JAKMIP3: variants seen among roughly 807,000 people sequenced by gnomAD.
JAKMIP3 encodes Janus kinase and microtubule interacting protein 3.
A neutral mutation model predicts 118.5 loss-of-function variants in JAKMIP3; 58 were observed. That is an observed-to-expected ratio of 0.49 (90% CI 0.40 to 0.61). JAKMIP3 has a LOEUF of 0.61. Among genes scored for constraint, JAKMIP3 ranks in the 20% least tolerant of loss-of-function variants. The pLI, the probability that JAKMIP3 is intolerant of heterozygous loss-of-function variation, is 0.00. For synonymous variants in JAKMIP3, 486 were observed against 451.2 expected (o/e 1.08, Z -0.98); for missense variants, 950 against 1,109.0 (o/e 0.86, Z 2.04).
intron 1 of JAKMIP3, among the ~76,000 whole-genome samples, chr10:132,104,408 G>T (rs1170289440): frequency 6.6e-6 from 1 of 152,208 alleles, no homozygotes; most frequent in Non-Finnish European, 1.5e-5. Flanking sequence ...AGAGGGAAAA[G>T]AATTCACCCG....
At chr10:132,071,896 T>TTC (rs1564866359) in intron 1 of JAKMIP3, among the ~76,000 whole-genome samples, 2 of 68,854 alleles carry the variant, frequency 2.9e-5, no homozygotes, top group African/African-American at 1.5e-4. Flanking sequence ...TTCTTTCCTT[T>TTC]CTTTCTTCCC....
chr10:132,082,034 C>T (rs1180202991), intron 1 of JAKMIP3, among the ~76,000 whole-genome samples: 1 of 151,754 alleles, frequency 6.6e-6, no homozygotes, highest in Non-Finnish European at 1.5e-5. Flanking sequence ...TTACCCTCCT[C>T]ATTGTGAGTC....
intron 9 of JAKMIP3, among the ~76,000 whole-genome samples, chr10:132,138,507 C>T (rs998008492): frequency 3.3e-5 from 5 of 152,238 alleles, no homozygotes; most frequent in Non-Finnish European, 5.9e-5. Context: ...AGCGTGCTGG[C>T]GTGTGCTTAG....
chr10:132,114,239 AG>A (rs2047290198), intron 2 of JAKMIP3, among the ~76,000 whole-genome samples: 1 of 152,240 alleles, frequency 6.6e-6, no homozygotes, highest in East Asian at 1.9e-4. Context: ...TTTCTGAGAC[AG>A]GGTCTCATTC....
chr10:132,125,659 T>C lies in JAKMIP3; in HGVS notation c.634-7653T>C, dbSNP rs186955763. On this transcript the variant is annotated intron_variant, in intron 3 of 23. Transcript: ENST00000684848. ...AGATTTTTCTCTTCTCTCAGCCATG[T>C]TTTGTAAATTTCAGTGTAGAGGTCT... Among the ~76,000 whole-genome samples the C allele has an allele frequency of 1.2e-3, 189 of 152,380 alleles. 1 individual carries two copies. The highest frequency in any genetic ancestry group is 4.5e-3 in the African/African-American group (187 of 41,588).
rs1013833496 is a variant in JAKMIP3 at position 132,133,387 on chromosome 10, CAG to C, written c.713_714del (p.Arg238ThrfsTer10). The C allele has an allele frequency of 3.7e-6, 6 of 1,601,924 alleles. No homozygotes were observed. In the African/African-American group the frequency reaches 8.0e-5, roughly 21 times the overall value. On this transcript the variant is annotated frameshift_variant, in exon 4 of 24. Transcript: ENST00000684848. ...GTTAGGGGTTCAAGCCGGGCATGCTCAGAGACTGCAGCTCCAAAAAGAGGCTC... is the reference window on the plus strand; with the variant it reads ...GTTAGGGGTTCAAGCCGGGCATGCTCAGACTGCAGCTCCAAAAAGAGGCTC... ...RELGVQAGHA[Q>X]RLQLQKEALD...
intron 16 of JAKMIP3, among the ~76,000 whole-genome samples, chr10:132,151,420 G>A (rs2056181082): frequency 6.6e-6 from 1 of 151,936 alleles, no homozygotes; most frequent in Admixed American, 6.6e-5. Flanking sequence ...GGAGCAGTGA[G>A]GCACAGGGCA....
chr10:132,109,410 A>AGGGGG (rs2046500237), intron 2 of JAKMIP3, among the ~76,000 whole-genome samples: 1 of 152,192 alleles, frequency 6.6e-6, no homozygotes, highest in Non-Finnish European at 1.5e-5. Context: ...CAATTAACGA[A>AGGGGG]TGACCTCATT....
At chr10:132,115,952 C>T (rs1352745757) in intron 2 of JAKMIP3, among the ~76,000 whole-genome samples, 1 of 152,244 alleles carries the variant, frequency 6.6e-6, no homozygotes, top group Non-Finnish European at 1.5e-5. Context: ...GTGCTGGAAA[C>T]TCCTCGGAGC....
intron 14 of JAKMIP3, among the ~76,000 whole-genome samples, chr10:132,148,801 G>T (rs952511350): frequency 1.3e-5 from 2 of 152,230 alleles, no homozygotes; most frequent in Non-Finnish European, 2.9e-5. Flanking sequence ...CACCTGTGGG[G>T]CTGGGAGGAA....
rs1182068445 is a variant in JAKMIP3 at position 132,183,818 on chromosome 10, C to T, written c.*2565C>T. The T allele has an allele frequency of 6.6e-6, 1 of 152,090 alleles. No homozygotes were observed. Among genetic ancestry groups the T allele is most frequent in the Non-Finnish European group, 1.5e-5 (1 of 67,958 alleles). 9.4% of individuals were successfully genotyped at this position (152,090 alleles called of 1,614,324 possible). On this transcript the variant is annotated 3_prime_UTR_variant, in exon 24 of 24. Coordinates refer to ENST00000684848, the MANE Select transcript of JAKMIP3 (RefSeq NM_001323087.2). ...TTGCCCCCAAAAAGGTAAATATGAG[C>T]ATTTATCACTGACTCCTCCTGGTCC...
chr10:132,037,845 C>A (rs1433479721), intron 1 of JAKMIP3, among the ~76,000 whole-genome samples: 2 of 152,062 alleles, frequency 1.3e-5, no homozygotes, highest in African/African-American at 4.8e-5. Context: ...CTTCCCCCTA[C>A]CCCTGCCCCG....
At chr10:132,115,342 C>T (rs1467971249) in intron 2 of JAKMIP3, among the ~76,000 whole-genome samples, 1 of 152,192 alleles carries the variant, frequency 6.6e-6, no homozygotes, top group African/African-American at 2.4e-5. Flanking sequence ...CTTCTGTGAT[C>T]AGAGGGGGAC....
intron 19 of JAKMIP3, among the ~76,000 whole-genome samples, chr10:132,155,970 G>A (rs2057041593): frequency 6.6e-6 from 1 of 152,178 alleles, no homozygotes; most frequent in African/African-American, 2.4e-5. Context: ...ACAGGCTGCT[G>A]TGCGCTTAGC....
In JAKMIP3 at chr10:132,118,897, G is replaced by A. The variant is rs1165547416; in HGVS notation, c.633+1323G>A. ...AGGAAGGAAGCGTTGCCACTGTCCC[G>A]GGAAGGTGGGAGGGACAGGTGGCTG... On this transcript the variant is annotated intron_variant, in intron 3 of 23. Coordinates refer to ENST00000684848, the MANE Select transcript of JAKMIP3 (RefSeq NM_001323087.2). This position sits in a 1 kb window ranked among gnomAD's most constrained non-coding sequence, Gnocchi z 4.8. Among the ~76,000 whole-genome samples the A allele has an allele frequency of 5.3e-5, 8 of 152,180 alleles. No individual in the cohort carries two copies. Among genetic ancestry groups the A allele is most frequent in the African/African-American group, 1.2e-4 (5 of 41,440 alleles).
intron 16 of JAKMIP3, among the ~76,000 whole-genome samples, chr10:132,151,599 T>C (rs1043650967): frequency 3.6e-4 from 55 of 152,316 alleles, no homozygotes; most frequent in African/African-American, 1.3e-3. Flanking sequence ...GGGAACTGTA[T>C]TGGGCAACTC....
At chr10:132,046,933 G>A (rs915099452) in intron 1 of JAKMIP3, among the ~76,000 whole-genome samples, 48 of 152,144 alleles carry the variant, frequency 3.2e-4, no homozygotes, top group Admixed American at 2.5e-3. Context: ...GTCCAGACTG[G>A]AGTGCAGGGG....
intron 21 of JAKMIP3, among the ~76,000 whole-genome samples, chr10:132,166,379 C>T (rs1218347488): frequency 1.3e-5 from 2 of 152,116 alleles, no homozygotes; most frequent in Non-Finnish European, 2.9e-5. Flanking sequence ...AATAGCTCTT[C>T]ATTCCCAAGC....
At chr10:132,058,704 C>A (rs7895370) in intron 1 of JAKMIP3, among the ~76,000 whole-genome samples, 84,406 of 152,128 alleles carry the variant, frequency 0.55, 23,813 homozygotes, top group East Asian at 0.72. Flanking sequence ...GGGACGCACC[C>A]GGCTGTTGGA....
Sources: gnomAD v4.1 joint callset for allele counts (sites outside exome capture counted in the v4.1 genomes callset) on GRCh38, gnomAD v4.1.1 for gene constraint, Gnocchi (gnomAD v3.1) non-coding constraint, MANE v1.5 for transcripts, NCBI Gene and HGNC (gene_info 2026-07-23, HGNC 2026-07-21) for gene names.